The following ANO6 variants were observed in gnomAD, a reference collection of about 807,000 sequenced individuals.
The protein encoded by ANO6 is anoctamin 6.
A neutral mutation model predicts 117.5 loss-of-function variants in ANO6; 106 were observed. The observed-to-expected ratio is 0.90, with a 90% CI of 0.77 to 1.06. ANO6 has a LOEUF of 1.06. Among genes scored for constraint, ANO6 ranks in the 50% least tolerant of loss-of-function variants. ANO6 has a pLI of 0.00. For synonymous variants in ANO6, 367 were observed against 385.1 expected (o/e 0.95, Z 0.55); for missense variants, 955 against 1,121.1 (o/e 0.85, Z 2.12).
intron 2 of ANO6, among the ~76,000 whole-genome samples, chr12:45,316,875 T>C (rs1940045996): frequency 6.6e-6 from 1 of 150,412 alleles, no homozygotes; most frequent in Admixed American, 6.6e-5. Context: ...ACACTCTAAA[T>C]AGAAAAGTAT....
chr12:45,340,578 G>T (rs1940952696), intron 3 of ANO6, among the ~76,000 whole-genome samples: 1 of 152,084 alleles, frequency 6.6e-6, no homozygotes, highest in Non-Finnish European at 1.5e-5. Flanking sequence ...TAGACTATCA[G>T]TTTAGGTTCT....
At chr12:45,245,943 G>T (rs1947818363) in intron 1 of ANO6, among the ~76,000 whole-genome samples, 2 of 136,752 alleles carry the variant, frequency 1.5e-5, no homozygotes, top group African/African-American at 6.2e-5. Flanking sequence ...TGACATTTTA[G>T]TCAAAAAAAA....
rs797011746 is a variant in ANO6, at chr12:45,432,149, G to A, written c.*2838G>A. ...TTATGTTCATATTATGTTTGAGAGG[G>A]TAAAAATGTATGAGCAGCTTAACTG... On this transcript the variant is annotated 3_prime_UTR_variant, in exon 20 of 20. Coordinates refer to ENST00000320560, the MANE Select transcript of ANO6 (RefSeq NM_001025356.3). 30 of 985,224 alleles carry A rather than the reference G, an allele frequency of 3.0e-5. 1 individual carries two copies. In the South Asian group the frequency reaches 1.1e-3, roughly 37 times the overall value. The allele number at this position is 985,224 out of a possible 1,614,324, so 61.0% of individuals were successfully genotyped here.
At chr12:45,397,267 G>A (rs1942643529) in intron 12 of ANO6, among the ~76,000 whole-genome samples, 1 of 152,202 alleles carries the variant, frequency 6.6e-6, no homozygotes, top group African/African-American at 2.4e-5. Flanking sequence ...TCAGAGAAAT[G>A]CAAGTCAGAA....
intron 15 of ANO6, among the ~76,000 whole-genome samples, chr12:45,408,446 A>G (rs563737702): frequency 6.6e-6 from 1 of 152,288 alleles, no homozygotes; most frequent in African/African-American, 2.4e-5. Context: ...GCACTTAGCC[A>G]CAAGGATTCT....
At chr12:45,401,462 A>T (rs535934819) in intron 12 of ANO6, among the ~76,000 whole-genome samples, 2 of 152,200 alleles carry the variant, frequency 1.3e-5, no homozygotes, top group East Asian at 3.9e-4. Context: ...CTGTCTGAAG[A>T]TACTCTTTTT....
chr12:45,242,371 C>A (rs1044705129), intron 1 of ANO6, among the ~76,000 whole-genome samples: 3 of 152,258 alleles, frequency 2.0e-5, no homozygotes, highest in Admixed American at 6.5e-5. Context: ...GCCGTGGGAC[C>A]TGCCAAGCCA....
chr12:45,334,635 T>C (rs1940772198), intron 3 of ANO6, among the ~76,000 whole-genome samples: 1 of 152,056 alleles, frequency 6.6e-6, no homozygotes, highest in Non-Finnish European at 1.5e-5. Context: ...TTGCATAGGA[T>C]TGGTCTTTCA....
In ANO6 at chr12:45,430,709, G is replaced by T. The variant is rs571747946; in HGVS notation, c.*1398G>T. 15 of 985,422 alleles carry T rather than the reference G, an allele frequency of 1.5e-5. No homozygotes were observed. Among genetic ancestry groups the T allele is most frequent in the Middle Eastern group, 5.2e-4 (1 of 1,914 alleles). The allele number at this position is 985,422 out of a possible 1,614,324, so 61.0% of individuals were successfully genotyped here. A position where few individuals can be genotyped will look rare whatever the true frequency, so the allele number is the denominator to read the frequency against. ...GGAGATTACTTCCTGCTGCACTCCT[G>T]TCTTGCCATGCACGTCTTGCCCCCT... On this transcript the variant is annotated 3_prime_UTR_variant, in exon 20 of 20. Coordinates refer to ENST00000320560, the MANE Select transcript of ANO6 (RefSeq NM_001025356.3).
At chr12:45,310,641 A>G (rs1194701371) in intron 2 of ANO6, among the ~76,000 whole-genome samples, 2 of 152,118 alleles carry the variant, frequency 1.3e-5, no homozygotes, top group Non-Finnish European at 2.9e-5. Flanking sequence ...GGTGAAGTCT[A>G]CAGAAGCTCA....
At chr12:45,346,974 C>T in intron 3 of ANO6, 48 bp from the exon 4 acceptor site, 3 of 1,584,648 alleles carry the variant, frequency 1.9e-6, no homozygotes, top group Non-Finnish European at 2.6e-6. Flanking sequence ...CCTTTTTCTG[C>T]CTTTGGTAAA....
At chr12:45,294,392 A>G (rs1227841186) in intron 1 of ANO6, among the ~76,000 whole-genome samples, 3 of 152,222 alleles carry the variant, frequency 2.0e-5, no homozygotes, top group Non-Finnish European at 4.4e-5. Context: ...TTACATCTTC[A>G]TGAATAACTT....
intron 2 of ANO6, among the ~76,000 whole-genome samples, chr12:45,325,130 T>G (rs575177556): frequency 1.3e-5 from 2 of 152,334 alleles, no homozygotes; most frequent in East Asian, 3.9e-4. Context: ...ACTAAGGATC[T>G]TAAAGTTTGT....
chr12:45,272,135 C>T (rs1257550094), intron 1 of ANO6, among the ~76,000 whole-genome samples: 2 of 150,588 alleles, frequency 1.3e-5, no homozygotes, highest in Admixed American at 1.3e-4. Flanking sequence ...TTTAAAGATG[C>T]AAATTTTTTG....
chr12:45,320,918 T>A lies in ANO6; in HGVS notation c.151-10377T>A, dbSNP rs550738794. ...GATCTTTGTTGGTTTAAAGTCTGTTTTATCAGAGACTAGGATTGCAACCCC... is the reference window on the plus strand; with the variant it reads ...GATCTTTGTTGGTTTAAAGTCTGTTATATCAGAGACTAGGATTGCAACCCC... On this transcript the variant is annotated intron_variant, in intron 2 of 19. Coordinates refer to ENST00000320560, the MANE Select transcript of ANO6 (RefSeq NM_001025356.3). Among the ~76,000 whole-genome samples the A allele has an allele frequency of 2.2e-3, 332 of 152,280 alleles. 3 individuals are homozygous for A. The highest frequency in any genetic ancestry group is 7.6e-3 in the African/African-American group (316 of 41,548).
intron 19 of ANO6, among the ~76,000 whole-genome samples, chr12:45,424,338 T>G (rs1001395079): frequency 5.6e-5 from 7 of 125,278 alleles, no homozygotes; most frequent in South Asian, 2.9e-4. Context: ...TTTTTTTTTT[T>G]TTTTTTTTTT....
chr12:45,409,325 C>A (rs184152872), intron 15 of ANO6, 32 bp from the exon 16 acceptor site: 23 of 1,612,098 alleles, frequency 1.4e-5, no homozygotes, highest in Non-Finnish European at 1.9e-5. Context: ...TGATAATATT[C>A]GTTCTAATTT....
intron 1 of ANO6, among the ~76,000 whole-genome samples, chr12:45,251,806 T>C (rs555770767): frequency 6.6e-6 from 1 of 152,312 alleles, no homozygotes; most frequent in South Asian, 2.1e-4. Flanking sequence ...GTAGAGTTTG[T>C]TCAATTGTGG....
chr12:45,382,905 G>T (rs577579859), intron 10 of ANO6, among the ~76,000 whole-genome samples: 3 of 152,318 alleles, frequency 2.0e-5, no homozygotes, highest in East Asian at 1.9e-4. Flanking sequence ...TAGGAGGATG[G>T]TTGCTGAAGG....
Sources: gnomAD v4.1 joint callset for allele counts (sites outside exome capture counted in the v4.1 genomes callset) on GRCh38, gnomAD v4.1.1 for gene constraint, MANE v1.5 for transcripts, NCBI Gene and HGNC (gene_info 2026-07-23, HGNC 2026-07-21) for gene names.